The following CDH9 variants were observed in gnomAD, a reference collection of about 807,000 sequenced individuals.
CDH9 encodes the protein cadherin-9.
CDH9 carries 28 observed loss-of-function variants against 70.9 expected under a neutral mutation model. The ratio of observed to expected loss-of-function variants is 0.40; its 90% confidence interval spans 0.29 to 0.54. The LOEUF is 0.54. Ranked by LOEUF, CDH9 falls within the 20% of genes least tolerant of loss-of-function variation. CDH9 has a pLI of 0.59. For missense variants in CDH9, 874 were observed against 984.4 expected, an observed-to-expected ratio of 0.89 and a Z score of 1.50; for synonymous variants, 409 against 343.1, an observed-to-expected ratio of 1.19 and a Z score of -2.12.
intron 1 of CDH9, among the ~76,000 whole-genome samples, chr5:27,009,910 A>T (rs1348355945): frequency 6.6e-6 from 1 of 152,096 alleles, no homozygotes; most frequent in Non-Finnish European, 1.5e-5. Context: ...TGTCTATTAA[A>T]TTATGGGTCC....
intron 2 of CDH9, among the ~76,000 whole-genome samples, chr5:26,937,194 A>G (rs911668201): frequency 1.3e-5 from 2 of 152,184 alleles, no homozygotes; most frequent in Admixed American, 1.3e-4. Flanking sequence ...TAAATAGCCC[A>G]ATTAGAAAAT....
chr5:27,036,157 T>C (rs1220166685), intron 1 of CDH9, among the ~76,000 whole-genome samples: 1 of 151,906 alleles, frequency 6.6e-6, no homozygotes, highest in Non-Finnish European at 1.5e-5. Context: ...CATATCACTA[T>C]TGATGCCTGA....
chr5:26,938,616 G>T (rs1741603433), intron 2 of CDH9, among the ~76,000 whole-genome samples: 1 of 152,050 alleles, frequency 6.6e-6, no homozygotes, highest in African/African-American at 2.4e-5. Context: ...CAGAGTAAGT[G>T]CATTCTTCGG....
chr5:27,035,957 T>C (rs1579526660), intron 1 of CDH9, among the ~76,000 whole-genome samples: 3 of 151,962 alleles, frequency 2.0e-5, no homozygotes, highest in African/African-American at 7.2e-5. Flanking sequence ...TTACAGCCAA[T>C]GTTTATTCAT....
At chr5:27,005,778 A>G (rs999952759) in intron 1 of CDH9, among the ~76,000 whole-genome samples, 4 of 152,264 alleles carry the variant, frequency 2.6e-5, no homozygotes, top group East Asian at 1.9e-4. Flanking sequence ...ATGTCCATCA[A>G]TGACAGACTG....
At chr5:27,037,303 C>T (rs1403262931) in intron 1 of CDH9, among the ~76,000 whole-genome samples, 3 of 151,616 alleles carry the variant, frequency 2.0e-5, no homozygotes, top group African/African-American at 7.3e-5. Flanking sequence ...TGAAAAAATC[C>T]CTATTAGGAA....
chr5:26,985,456 T>C (rs1474163457), intron 2 of CDH9, among the ~76,000 whole-genome samples: 1 of 152,144 alleles, frequency 6.6e-6, no homozygotes, highest in Non-Finnish European at 1.5e-5. Context: ...CATGTTTGTG[T>C]GTATACATGT....
In CDH9 at chr5:26,929,193, A is replaced by T. The variant is rs567587922; in HGVS notation, c.229-13269T>A. 7.2e-5 allele frequency among the ~76,000 whole-genome samples: 11 copies of T among 152,204 alleles called. No individual in the cohort carries two copies. In the South Asian group the frequency reaches 2.3e-3, roughly 32 times the overall value. On this transcript the variant is annotated intron_variant, in intron 2 of 11. Transcript: ENST00000231021. Reference sequence around the variant, plus strand: ...AAATGGACAAAATATCTCAATCAACATTTTCAAAAGAATAAATGCAAATGG... The same window carrying T: ...AAATGGACAAAATATCTCAATCAACTTTTTCAAAAGAATAAATGCAAATGG...
rs113494340 is a variant in CDH9 at position 26,951,785 on chromosome 5, C to A, written c.229-35861G>T. ...AACAATAGTTACTCACTTGTCTTAGCGTAGAAGGAAAGGACAGTTATTTAT... is the reference window on the plus strand; with the variant it reads ...AACAATAGTTACTCACTTGTCTTAGAGTAGAAGGAAAGGACAGTTATTTAT... On this transcript the variant is annotated intron_variant, in intron 2 of 11. Transcript: ENST00000231021. Among the ~76,000 whole-genome samples, 4 of 152,056 alleles carry A rather than the reference C, an allele frequency of 2.6e-5. 1 individual carries two copies. Among genetic ancestry groups the A allele is most frequent in the African/African-American group, 9.6e-5 (4 of 41,494 alleles).
chr5:27,010,978 T>C (rs765049499), intron 1 of CDH9, among the ~76,000 whole-genome samples: 3 of 152,042 alleles, frequency 2.0e-5, no homozygotes, highest in Non-Finnish European at 4.4e-5. Context: ...CCCATAATTG[T>C]CAAGAAAAGA....
At chr5:27,035,075 C>T (rs952454464) in intron 1 of CDH9, among the ~76,000 whole-genome samples, 1 of 151,008 alleles carries the variant, frequency 6.6e-6, no homozygotes, top group East Asian at 2.0e-4. Context: ...TATCTATCCT[C>T]TATGTATCTG....
intron 3 of CDH9, among the ~76,000 whole-genome samples, chr5:26,910,451 A>G (rs969670899): frequency 4.0e-4 from 61 of 152,324 alleles, no homozygotes; most frequent in African/African-American, 1.4e-3. Flanking sequence ...GAAAATATGT[A>G]TCACAGCCTA....
chr5:26,933,917 A>G (rs1432441190), intron 2 of CDH9, among the ~76,000 whole-genome samples: 1 of 152,190 alleles, frequency 6.6e-6, no homozygotes, highest in Non-Finnish European at 1.5e-5. Flanking sequence ...ATTCTGCCTT[A>G]GTCCATTTGT....
chr5:26,920,564 C>T (rs991678997), intron 2 of CDH9, among the ~76,000 whole-genome samples: 4 of 152,086 alleles, frequency 2.6e-5, no homozygotes, highest in Non-Finnish European at 5.9e-5. Flanking sequence ...TTGGGAGACA[C>T]CCAGTGCAGT....
intron 2 of CDH9, among the ~76,000 whole-genome samples, chr5:26,916,432 T>C (rs1027853467): frequency 6.6e-6 from 1 of 151,940 alleles, no homozygotes; most frequent in Non-Finnish European, 1.5e-5. Context: ...ATACATTTTA[T>C]AAGTGGATCC....
chr5:27,001,844 A>ACTCTCTCT (rs141271541), intron 1 of CDH9, among the ~76,000 whole-genome samples: 440 of 142,044 alleles, frequency 3.1e-3, no homozygotes, highest in African/African-American at 0.011. Context: ...ACACACACAC[A>ACTCTCTCT]CTCTCTCTCT....
At chr5:27,009,446 T>A (rs190119340) in intron 1 of CDH9, among the ~76,000 whole-genome samples, 17 of 152,242 alleles carry the variant, frequency 1.1e-4, no homozygotes, top group South Asian at 6.2e-4. Context: ...TGGAATTTTG[T>A]CCTGTTGCCA....
chr5:26,956,192 C>T (rs1017629793), intron 2 of CDH9, among the ~76,000 whole-genome samples: 13 of 152,076 alleles, frequency 8.5e-5, no homozygotes, highest in Non-Finnish European at 1.8e-4. Flanking sequence ...GGGGACAGGT[C>T]TTTCCTGTGT....
At chr5:26,949,183 G>T (rs976870402) in intron 2 of CDH9, among the ~76,000 whole-genome samples, 1 of 152,096 alleles carries the variant, frequency 6.6e-6, no homozygotes, top group Non-Finnish European at 1.5e-5. Flanking sequence ...CTTAACAAGG[G>T]CTACCAGTAA....
Sources: allele counts gnomAD v4.1 joint callset (sites outside exome capture counted in the v4.1 genomes callset), GRCh38; gene constraint gnomAD v4.1.1; transcripts MANE v1.5; gene names NCBI Gene and HGNC (gene_info 2026-07-23, HGNC 2026-07-21).